Variants in CSMD3 observed in about 807,000 individuals in gnomAD.
CSMD3 encodes the protein CUB and Sushi multiple domains 3, also known as CUB and sushi domain-containing protein 3.
In CSMD3, 177 loss-of-function variants were observed where a neutral mutation model predicts 435.2. The observed-to-expected ratio is 0.41, with a 90% CI of 0.36 to 0.46. The LOEUF (loss-of-function observed/expected upper bound fraction) is 0.46, where lower values mean the gene tolerates loss of function less well. Among genes scored for constraint, CSMD3 ranks in the 20% least tolerant of loss-of-function variants. The pLI, the probability that CSMD3 is intolerant of heterozygous loss-of-function variation, is 0.34. For synonymous variants in CSMD3, 1,656 were observed against 1,520.5 expected, an observed-to-expected ratio of 1.09 and a Z score of -2.07; for missense variants, 4,265 against 4,504.6, an observed-to-expected ratio of 0.95 and a Z score of 1.52.
intron 24 of CSMD3, among the ~76,000 whole-genome samples, chr8:112,563,481 T>C (rs527738752): frequency 6.6e-6 from 1 of 152,012 alleles, no homozygotes; most frequent in Non-Finnish European, 1.5e-5. Context: ...CTGACAGACT[T>C]TCCTAAATTT....
intron 36 of CSMD3, 25 bp downstream of exon 36, chr8:112,390,639 A>G: frequency 6.3e-7 from 1 of 1,593,384 alleles, no homozygotes. Flanking sequence ...TACAATGAAA[A>G]GAAGAAAAAC....
chr8:113,408,972 A>G (rs1023059378), intron 1 of CSMD3, among the ~76,000 whole-genome samples: 1 of 152,096 alleles, frequency 6.6e-6, no homozygotes, highest in African/African-American at 2.4e-5. Context: ...CCCAGCCTAT[A>G]CAGAAAATTT....
chr8:113,116,138 A>C (rs934921252), intron 4 of CSMD3, among the ~76,000 whole-genome samples: 18 of 149,820 alleles, frequency 1.2e-4, no homozygotes, highest in African/African-American at 2.3e-4. Flanking sequence ...CTAAAAAAAC[A>C]TAATTTATTT....
intron 32 of CSMD3, among the ~76,000 whole-genome samples, chr8:112,447,944 T>G (rs925550826): frequency 2.6e-5 from 4 of 152,142 alleles, no homozygotes; most frequent in African/African-American, 9.7e-5. Flanking sequence ...CCAGCATACC[T>G]GTGTATGTCA....
chr8:112,427,763 T>C (rs1170172762), intron 32 of CSMD3, among the ~76,000 whole-genome samples: 2 of 152,148 alleles, frequency 1.3e-5, no homozygotes, highest in Non-Finnish European at 2.9e-5. Context: ...CATAGAAGCA[T>C]TCAGGTCATT....
intron 1 of CSMD3, among the ~76,000 whole-genome samples, chr8:113,334,801 T>G (rs2094058290): frequency 6.6e-6 from 1 of 152,120 alleles, no homozygotes; most frequent in Admixed American, 6.6e-5. Flanking sequence ...ATTTTTTTCT[T>G]TTAAGGAATC....
chr8:112,502,811 C>G (rs142507158), intron 30 of CSMD3, among the ~76,000 whole-genome samples: 2 of 151,982 alleles, frequency 1.3e-5, no homozygotes, highest in African/African-American at 4.8e-5. Flanking sequence ...AAGGTGGTAA[C>G]AAATCAAAGC....
chr8:112,523,256 A>T (rs1032242042), intron 27 of CSMD3, among the ~76,000 whole-genome samples: 4 of 151,922 alleles, frequency 2.6e-5, no homozygotes, highest in African/African-American at 9.7e-5. Context: ...AGTTCCCTGA[A>T]TCTTTCCTGC....
At chr8:112,520,275 T>G (rs779367817) in intron 27 of CSMD3, among the ~76,000 whole-genome samples, 10 of 152,074 alleles carry the variant, frequency 6.6e-5, no homozygotes, top group Non-Finnish European at 1.2e-4. Context: ...CAGCTCAGTT[T>G]ACACTCAAGC....
intron 10 of CSMD3, among the ~76,000 whole-genome samples, chr8:112,879,963 T>A (rs1431349375): frequency 6.6e-6 from 1 of 152,046 alleles, no homozygotes; most frequent in Non-Finnish European, 1.5e-5. Flanking sequence ...GAGAAATATC[T>A]AATGTTGATG....
chr8:112,984,865 A>T (rs2085191855), intron 6 of CSMD3, among the ~76,000 whole-genome samples: 1 of 152,016 alleles, frequency 6.6e-6, no homozygotes, highest in South Asian at 2.1e-4. Flanking sequence ...CTCTTTCTCT[A>T]TGTTTCAATC....
chr8:113,158,189 A>G (rs79173345), intron 4 of CSMD3, among the ~76,000 whole-genome samples: 1 of 151,980 alleles, frequency 6.6e-6, no homozygotes, highest in Non-Finnish European at 1.5e-5. Context: ...GACCAAAAAA[A>G]AAAAAAATGT....
chr8:112,460,461 A>G (rs1256100735), intron 32 of CSMD3, among the ~76,000 whole-genome samples: 1 of 151,796 alleles, frequency 6.6e-6, no homozygotes, highest in African/African-American at 2.4e-5. Context: ...TTCAATCTAC[A>G]GCTGAGTTTT....
intron 32 of CSMD3, among the ~76,000 whole-genome samples, chr8:112,426,489 C>G (rs1813082300): frequency 6.6e-6 from 1 of 152,150 alleles, no homozygotes; most frequent in Non-Finnish European, 1.5e-5. Context: ...CCAGACTTCA[C>G]AGATTGATAC....
chr8:112,622,350 G>T (rs1834140827), intron 22 of CSMD3, among the ~76,000 whole-genome samples: 1 of 152,078 alleles, frequency 6.6e-6, no homozygotes. Flanking sequence ...GCAAACTAAA[G>T]CTAGGGAAGC....
At chr8:113,064,791 A>C (rs753382955) in intron 5 of CSMD3, among the ~76,000 whole-genome samples, 76 of 151,896 alleles carry the variant, frequency 5.0e-4, no homozygotes, top group Middle Eastern at 3.4e-3. Context: ...CTTTTCTTTT[A>C]TTTATTTTGG....
intron 23 of CSMD3, among the ~76,000 whole-genome samples, chr8:112,581,408 T>C (rs970495831): frequency 4.6e-5 from 7 of 152,168 alleles, no homozygotes; most frequent in African/African-American, 1.4e-4. Context: ...TCTAATAATA[T>C]ATCACCAAAT....
chr8:112,879,443 T>C (rs1035150700), intron 10 of CSMD3, among the ~76,000 whole-genome samples: 5 of 152,100 alleles, frequency 3.3e-5, no homozygotes, highest in Non-Finnish European at 7.4e-5. Flanking sequence ...TGGACCCTCA[T>C]TAGCAATTCT....
intron 1 of CSMD3, among the ~76,000 whole-genome samples, chr8:113,323,846 T>C (rs1302355514): frequency 3.3e-5 from 5 of 152,186 alleles, no homozygotes; most frequent in South Asian, 4.1e-4. Context: ...TAAAATTATG[T>C]ATGTTCCTCC....
Sources: gnomAD v4.1 joint callset for allele counts (sites outside exome capture counted in the v4.1 genomes callset) on GRCh38, gnomAD v4.1.1 for gene constraint, MANE v1.5 for transcripts, NCBI Gene and HGNC (gene_info 2026-07-23, HGNC 2026-07-21) for gene names.